The following CENPT variants were observed in gnomAD, a reference collection of about 807,000 sequenced individuals.
The protein encoded by CENPT is interphase centromere complex protein 22.
CENPT carries 42 observed loss-of-function variants against 59.7 expected under a neutral mutation model. That is an observed-to-expected ratio of 0.70 (90% confidence interval 0.55 to 0.91). The LOEUF (loss-of-function observed/expected upper bound fraction) is 0.91. Ranked by LOEUF, CENPT falls within the 40% of genes least tolerant of loss-of-function variation. The pLI is 0.00. For missense variants in CENPT, 716 were observed against 713.4 expected (o/e 1.00, Z -0.04); for synonymous variants, 295 against 289.6 (o/e 1.02, Z -0.19).
Position 67,828,754 on chromosome 16 carries a change from T to C in CENPT, c.1370A>G (p.Lys457Arg). ...TTTCACATAGTGGCTCAGTCCAGCC[T>C]TGTGGGGATCTTGCCGGGGCCTGGG... Reference protein sequence around the residue: ...TGPRPRQDPHKAGLSHYVKLF... With the variant: ...TGPRPRQDPHRAGLSHYVKLF... The change falls in exon 14 of 16, where the codon AAG becomes AGG. Residue 457 changes from lysine (K) to arginine (R), a missense_variant. Lys to Arg is a conservative substitution (Grantham distance 26). Transcript: ENST00000562787. 1 of 1,612,178 alleles carries C rather than the reference T, an allele frequency of 6.2e-7. No individual in the cohort carries two copies. The highest frequency in any genetic ancestry group is 8.5e-7 in the Non-Finnish European group (1 of 1,179,546).
rs1184884905 is a variant in CENPT, at chr16:67,842,140, C to A, written c.-492+5261G>T. 4 of 152,460 alleles carry A rather than the reference C, an allele frequency of 2.6e-5. No homozygotes were observed. Among genetic ancestry groups the A allele is most frequent in the Non-Finnish European group, 4.4e-5 (3 of 68,216 alleles). The allele number at this position is 152,460 out of a possible 1,614,324, so 9.4% of individuals were successfully genotyped here. Reference sequence around the variant, plus strand: ...GGCGACAGCGTTCCAACCTAATACGCCTCTCTCGCCCGCCGGGGACAAGAC... The same window carrying A: ...GGCGACAGCGTTCCAACCTAATACGACTCTCTCGCCCGCCGGGGACAAGAC... On this transcript the variant is annotated intron_variant, in intron 1 of 15. Transcript: ENST00000562787. This position sits in a 1 kb window ranked among gnomAD's most constrained non-coding sequence, Gnocchi z 4.9.
intron 1 of CENPT, among the ~76,000 whole-genome samples, chr16:67,841,220 A>T (rs1343030285): frequency 1.3e-5 from 2 of 148,520 alleles, no homozygotes; most frequent in Non-Finnish European, 3.0e-5. Context: ...AAAAAAAAAA[A>T]AGATTCCCTC....
chr16:67,838,022 T>C (rs371862326), intron 1 of CENPT, among the ~76,000 whole-genome samples: 2 of 152,246 alleles, frequency 1.3e-5, no homozygotes, highest in Middle Eastern at 3.4e-3. Flanking sequence ...CAGGGAGACA[T>C]GTGATGAGGT....
chr16:67,841,699 G>A (rs2057762299), intron 1 of CENPT: 2 of 152,280 alleles, frequency 1.3e-5, no homozygotes, highest in African/African-American at 4.8e-5. Flanking sequence ...CCGGCACCGT[G>A]TCAGCCACAT....
intron 10 of CENPT, 180 bp downstream of exon 10, chr16:67,831,036 A>G: frequency 2.6e-6 from 2 of 773,482 alleles, no homozygotes; most frequent in Non-Finnish European, 2.2e-6. Flanking sequence ...ACACCGAGGG[A>G]CCAAGGAAAG....
At chr16:67,847,097 C>A (rs1031348899) in intron 1 of CENPT, 5 of 150,176 alleles carry the variant, frequency 3.3e-5, no homozygotes, top group Admixed American at 6.6e-5. Context: ...CTCCCCCCCC[C>A]CCGGCGGCCC....
chr16:67,843,004 A>G lies in CENPT; in HGVS notation c.-492+4397T>C. The G allele has an allele frequency of 1.2e-6, 2 of 1,612,658 alleles. No individual in the cohort carries two copies. Among genetic ancestry groups the G allele is most frequent in the Non-Finnish European group, 1.7e-6 (2 of 1,180,012 alleles). ...CTGCCCAGCTGCAGCCGAACCTGGT[A>G]TCTGCTTCCGCGGCCGTGCTTCTCA... On this transcript the variant is annotated intron_variant, in intron 1 of 15. Coordinates refer to ENST00000562787, the MANE Select transcript of CENPT (RefSeq NM_025082.4). This position sits in a 1 kb window ranked among gnomAD's most constrained non-coding sequence, Gnocchi z 5.7.
chr16:67,831,134 A>G, intron 10 of CENPT, 82 bp downstream of exon 10: 6 of 1,596,836 alleles, frequency 3.8e-6, no homozygotes, highest in Non-Finnish European at 5.1e-6. Flanking sequence ...AGAGGGGTGC[A>G]ACCCTGACTC....
chr16:67,832,405 C>G, intron 5 of CENPT, 50 bp downstream of exon 5: 1 of 1,609,302 alleles, frequency 6.2e-7, no homozygotes, highest in Non-Finnish European at 8.5e-7. Context: ...CCTCAACCCC[C>G]CTCCCCGAGG....
Position 67,832,454 on chromosome 16 carries a change from C to T in CENPT, c.201+1G>A. On this transcript the variant is annotated splice_donor_variant, in intron 5 of 15. Coordinates refer to ENST00000562787, the MANE Select transcript of CENPT (RefSeq NM_025082.4). LOFTEE classifies it high-confidence loss of function. ...TTGGGGTCAGTGGGCTGGGTACTTA[C>T]CCTGGCTCCATGGGAACGCCCTCTG... 6.2e-7 allele frequency: 1 copy of T among 1,614,162 alleles called. No individual in the cohort carries two copies.
intron 1 of CENPT, among the ~76,000 whole-genome samples, chr16:67,844,359 T>C (rs777360686): frequency 2.6e-5 from 4 of 152,174 alleles, no homozygotes; most frequent in Non-Finnish European, 5.9e-5. Context: ...GATCCTGGCC[T>C]TATAAGGTCC....
intron 15 of CENPT, 33 bp downstream of exon 15, chr16:67,828,441 C>A (rs776252866): frequency 1.2e-6 from 2 of 1,613,818 alleles, no homozygotes; most frequent in African/African-American, 2.7e-5. Context: ...AAAACTCCCC[C>A]AGCCAGCACC....
In CENPT at chr16:67,830,455, G is replaced by A; in HGVS notation, c.797C>T (p.Ala266Val). The A allele has an allele frequency of 6.2e-7, 1 of 1,614,132 alleles. No homozygotes were observed. The highest frequency in any genetic ancestry group is 8.5e-7 in the Non-Finnish European group (1 of 1,180,002). The part of the protein sequence containing the change: ...HSLPCTPHTG[A>V]EDAEQAAGRK... ...ACCGGCAGCCTGCTCAGCGTCTTCA[G>A]CCCCAGTGTGAGGCGTGCAGGGCAG... Residue 266 changes from alanine (A) to valine (V), a missense_variant, in exon 11 of 16, where the codon GCT becomes GTT. Physicochemically the swap from Ala to Val is moderately conservative, Grantham distance 64 (BLOSUM62 0). Coordinates refer to ENST00000562787, the MANE Select transcript of CENPT (RefSeq NM_025082.4).
intron 10 of CENPT, chr16:67,830,800 G>A (rs1024502783): frequency 1.9e-5 from 10 of 538,892 alleles, no homozygotes; most frequent in Admixed American, 3.5e-5. Flanking sequence ...ATAGCTGCCC[G>A]CCCACCAGCT....
rs2057657044 is a variant in CENPT, at chr16:67,829,432, C to G, written c.1271G>C (p.Gly424Ala). The G allele has an allele frequency of 6.3e-6, 10 of 1,584,986 alleles. No individual in the cohort carries two copies. The highest frequency in any genetic ancestry group is 7.7e-6 in the Non-Finnish European group (9 of 1,171,940). The change falls in exon 13 of 16, where the codon GGT becomes GCT. Residue 424 changes from glycine (G) to alanine (A), a missense_variant. By Grantham distance (60) the Gly-to-Ala change is moderately conservative. Coordinates refer to ENST00000562787, the MANE Select transcript of CENPT (RefSeq NM_025082.4). The stretch of plus-strand genomic sequence containing the variant: ...GGTTGTGGGATCTTACACTGCAGCA[C>G]CAGGCGCTGGGGCTGGCTCAAGAAA... ...HQFLEPAPAPGAAVLSSEPAE... is the reference protein window; with the variant it reads ...HQFLEPAPAPAAAVLSSEPAE...
Position 67,842,563 on chromosome 16 carries a change from C to G in CENPT, c.-492+4838G>C, listed in dbSNP as rs79492531. The stretch of plus-strand genomic sequence containing the variant: ...GGCCGCGCGGCGCAGCCATGCCTGG[C>G]TTTACGTGCTGCGTGCCAGGCTGCT... On this transcript the variant is annotated intron_variant, in intron 1 of 15. Transcript: ENST00000562787. The surrounding 1 kb of genome is among the most constrained non-coding windows in gnomAD (Gnocchi z 4.9). The G allele has an allele frequency of 1.3e-3, 1,983 of 1,531,904 alleles. 25 individuals are homozygous for G. The African/African-American group carries it at 0.025, about 19-fold the overall frequency. 94.9% of individuals were successfully genotyped at this position (1,531,904 alleles called of 1,614,324 possible). A position where few individuals can be genotyped will look rare whatever the true frequency, so the allele number is the denominator to read the frequency against.
intron 1 of CENPT, among the ~76,000 whole-genome samples, chr16:67,837,605 G>A (rs2151287728): frequency 6.6e-6 from 1 of 152,240 alleles, no homozygotes; most frequent in African/African-American, 2.4e-5. Flanking sequence ...CTACTCGGGA[G>A]GCTGAGTCAG....
Position 67,829,478 on chromosome 16 carries a change from G to T in CENPT, c.1225C>A (p.Gln409Lys). Residue 409 changes from glutamine to lysine, a missense_variant, in exon 13 of 16, where the codon CAG becomes AAG. Physicochemically the swap from Gln to Lys is moderately conservative, Grantham distance 53. Coordinates refer to ENST00000562787, the MANE Select transcript of CENPT (RefSeq NM_025082.4). The part of the protein sequence containing the change: ...ESASSTPESL[Q>K]ARRHHQFLEP... ...AGAAACTGATGATGTCGCCTGGCCT[G>T]GAGAGACTCAGGGGTGCTGGAGGCC... 1 of 1,588,718 alleles carries T rather than the reference G, an allele frequency of 6.3e-7. No individual in the cohort carries two copies. Among genetic ancestry groups the T allele is most frequent in the Non-Finnish European group, 8.5e-7 (1 of 1,173,696 alleles).
rs2057642558 is a variant in CENPT, at chr16:67,828,859, G to A, written c.1281-16C>T. 2.6e-6 allele frequency: 4 copies of A among 1,566,652 alleles called. No homozygotes were observed. The highest frequency in any genetic ancestry group is 2.2e-5 in the Admixed American group (1 of 45,786). ...TGAAGATAAGCTGAGGGCAACAGTG[G>A]ACAGAGGGGGCTGAACTTGCCTCAA... On this transcript the variant is annotated splice_polypyrimidine_tract_variant and intron_variant, in intron 13 of 15. Transcript: ENST00000562787.
Sources: allele counts gnomAD v4.1 joint callset (sites outside exome capture counted in the v4.1 genomes callset), GRCh38; gene constraint gnomAD v4.1.1; non-coding constraint Gnocchi (gnomAD v3.1); transcripts MANE v1.5; gene names NCBI Gene and HGNC (gene_info 2026-07-23, HGNC 2026-07-21).